Variants in HSPA4L observed in about 807,000 individuals in gnomAD.
The protein encoded by HSPA4L is heat shock protein family A (Hsp70) member 4 like, also known as heat shock 70 kDa protein 4L.
HSPA4L carries 48 observed loss-of-function variants against 100.3 expected under a neutral mutation model. That is an observed-to-expected ratio of 0.48 (90% CI 0.38 to 0.61). HSPA4L has a LOEUF of 0.61. Ranked by LOEUF, HSPA4L falls within the 20% of genes least tolerant of loss-of-function variation. The pLI is 0.00. For missense variants in HSPA4L, 886 were observed against 988.6 expected, an observed-to-expected ratio of 0.90 and a Z score of 1.39; for synonymous variants, 319 against 328.2, an observed-to-expected ratio of 0.97 and a Z score of 0.30.
chr4:127,830,673 G>A lies in HSPA4L; in HGVS notation c.2202G>A (p.Met734Ile). The part of the protein sequence containing the change: ...ERYDHLDPTE[M>I]EKVEKCISDA... ...ATGATCATCTGGATCCTACTGAAAT[G>A]GAAAAGGTTGAAAAATGTATCAGTG... The change falls in exon 18 of 19, where the codon ATG becomes ATA. Residue 734 changes from methionine to isoleucine, a missense_variant. Coordinates refer to ENST00000296464, the MANE Select transcript of HSPA4L (RefSeq NM_014278.4). 6.2e-7 allele frequency: 1 copy of A among 1,605,536 alleles called. No individual in the cohort carries two copies. Among genetic ancestry groups the A allele is most frequent in the Non-Finnish European group, 8.5e-7 (1 of 1,176,690 alleles).
chr4:127,809,379 C>A, intron 11 of HSPA4L: 1 of 1,204,926 alleles, frequency 8.3e-7, no homozygotes, highest in Non-Finnish European at 1.2e-6. Flanking sequence ...GGCAGCTTTG[C>A]AGCATGCTCA....
Position 127,809,000 on chromosome 4 carries a change from A to G in HSPA4L, c.1378+871A>G, listed in dbSNP as rs114532748. On this transcript the variant is annotated intron_variant, in intron 11 of 18. Transcript: ENST00000296464. Reference sequence around the variant, plus strand: ...TTTACTGAAAAACTTTAATTGGTATATTCTAATTTTAAACTTAATGTTTAC... The same window carrying G: ...TTTACTGAAAAACTTTAATTGGTATGTTCTAATTTTAAACTTAATGTTTAC... Among the ~76,000 whole-genome samples, 780 of 150,794 alleles carry G rather than the reference A, an allele frequency of 5.2e-3. 7 individuals are homozygous for G. Among genetic ancestry groups the G allele is most frequent in the African/African-American group, 0.018 (752 of 41,102 alleles).
At chr4:127,821,942 G>GT (rs1291480272) in intron 14 of HSPA4L, among the ~76,000 whole-genome samples, 1 of 152,014 alleles carries the variant, frequency 6.6e-6, no homozygotes, top group Non-Finnish European at 1.5e-5. Flanking sequence ...GTTTTCTTTT[G>GT]TTTTTTAACA....
At chr4:127,823,412 G>A (rs1483334265) in intron 15 of HSPA4L, 105 bp from the exon 16 acceptor site, 2 of 729,720 alleles carry the variant, frequency 2.7e-6, no homozygotes, top group Admixed American at 5.6e-5. Flanking sequence ...GCCTTTCAAA[G>A]TGTTGGGATT....
intron 3 of HSPA4L, among the ~76,000 whole-genome samples, chr4:127,797,214 A>G (rs1733045553): frequency 6.6e-6 from 1 of 152,188 alleles, no homozygotes; most frequent in Non-Finnish European, 1.5e-5. Flanking sequence ...TATGATAGTA[A>G]CAACTGAGAT....
intron 5 of HSPA4L, 59 bp downstream of exon 5, chr4:127,801,296 A>G: frequency 3.3e-6 from 4 of 1,223,512 alleles, no homozygotes; most frequent in Non-Finnish European, 4.6e-6. Flanking sequence ...GTTTTTTTCT[A>G]ATTATTAACA....
At chr4:127,800,688 G>T (rs1733151634) in intron 4 of HSPA4L, among the ~76,000 whole-genome samples, 1 of 151,986 alleles carries the variant, frequency 6.6e-6, no homozygotes, top group African/African-American at 2.4e-5. Context: ...TGTTATATGT[G>T]CCCTTTTTTA....
chr4:127,794,487 A>G (rs116696530), intron 2 of HSPA4L, among the ~76,000 whole-genome samples: 65 of 152,200 alleles, frequency 4.3e-4, no homozygotes, highest in Non-Finnish European at 7.4e-4. Flanking sequence ...TCTTTGTAAA[A>G]TAAGGTAGGA....
rs970337838 is a variant in HSPA4L, at chr4:127,792,127, A to G, written c.108-1950A>G. Among the ~76,000 whole-genome samples, 3 of 152,174 alleles carry G rather than the reference A, an allele frequency of 2.0e-5. No individual in the cohort carries two copies. The South Asian group carries it at 6.2e-4, about 31-fold the overall frequency. On this transcript the variant is annotated intron_variant, in intron 1 of 18. Coordinates refer to ENST00000296464, the MANE Select transcript of HSPA4L (RefSeq NM_014278.4). ...ATTGCCTCTCCAGTTTGTATTATGT[A>G]TCAGTATGTAGGGTCCTCTCCATTA... is the stretch of plus-strand genomic sequence containing the variant.
intron 2 of HSPA4L, 83 bp from the exon 3 acceptor site, chr4:127,795,685 C>T (rs2148780082): frequency 7.4e-7 from 1 of 1,353,596 alleles, no homozygotes; most frequent in East Asian, 2.3e-5. Context: ...GATAAAGGAA[C>T]TTGGTGGTTG....
chr4:127,799,307 A>AT (rs1165713140), intron 4 of HSPA4L, among the ~76,000 whole-genome samples: 2 of 152,036 alleles, frequency 1.3e-5, no homozygotes, highest in African/African-American at 2.4e-5. Flanking sequence ...GGCATTTGGA[A>AT]TTTTTTTAAT....
intron 12 of HSPA4L, among the ~76,000 whole-genome samples, chr4:127,816,161 A>G (rs912062144): frequency 1.3e-5 from 2 of 152,174 alleles, no homozygotes; most frequent in Admixed American, 6.5e-5. Context: ...TTATTTAGCA[A>G]ATAGCTATGA....
At chr4:127,806,727 G>A (rs989076507) in intron 10 of HSPA4L, among the ~76,000 whole-genome samples, 2 of 151,834 alleles carry the variant, frequency 1.3e-5, no homozygotes, top group African/African-American at 4.8e-5. Flanking sequence ...TTACTTGACT[G>A]CTTTTCAGAA....
intron 18 of HSPA4L, among the ~76,000 whole-genome samples, chr4:127,831,087 C>CT (rs967121156): frequency 2.6e-5 from 4 of 152,136 alleles, no homozygotes; most frequent in African/African-American, 7.2e-5. Flanking sequence ...GATGAAACCT[C>CT]TAAGTCTTCA....
At chr4:127,812,175 C>T (rs1431797509) in intron 12 of HSPA4L, among the ~76,000 whole-genome samples, 1 of 151,776 alleles carries the variant, frequency 6.6e-6, no homozygotes, top group Non-Finnish European at 1.5e-5. Context: ...TTTGGGAGGC[C>T]GAGGCGGGTG....
intron 15 of HSPA4L, 108 bp from the exon 16 acceptor site, chr4:127,823,409 A>G (rs561642294): frequency 1.1e-5 from 8 of 715,786 alleles, no homozygotes; most frequent in Non-Finnish European, 1.6e-5. Context: ...TTGGCCTTTC[A>G]AAGTGTTGGG....
rs1733873800 is a variant in HSPA4L, at chr4:127,823,723, T to C, written c.2046+99T>C. The stretch of plus-strand genomic sequence containing the variant: ...TATGTTCTATTAATTTTTAATTTTT[T>C]AATTGAGAGGAAAATTGTATATATT... On this transcript the variant is annotated intron_variant, in intron 16 of 18. Transcript: ENST00000296464. The C allele has an allele frequency of 4.8e-6, 3 of 621,568 alleles. No individual in the cohort carries two copies. In the South Asian group the frequency reaches 6.3e-5, roughly 13 times the overall value. The allele number at this position is 621,568 out of a possible 1,614,324, so 38.5% of individuals were successfully genotyped here.
intron 10 of HSPA4L, 54 bp downstream of exon 10, chr4:127,805,847 A>C: frequency 1.7e-6 from 2 of 1,193,050 alleles, no homozygotes; most frequent in South Asian, 3.0e-5. Context: ...TTACCCAGTT[A>C]AACCTACTTT....
chr4:127,801,487 G>A (rs1159403885), intron 5 of HSPA4L, among the ~76,000 whole-genome samples: 1 of 150,138 alleles, frequency 6.7e-6, no homozygotes, highest in Non-Finnish European at 1.5e-5. Context: ...GTGTGTGTGT[G>A]TGTGTGTGTG....
Sources: allele counts gnomAD v4.1 joint callset (sites outside exome capture counted in the v4.1 genomes callset), GRCh38; gene constraint gnomAD v4.1.1; transcripts MANE v1.5; gene names NCBI Gene and HGNC (gene_info 2026-07-23, HGNC 2026-07-21).